Variants in COPS5 observed in about 807,000 individuals in gnomAD.
COPS5 encodes COP9 signalosome subunit 5, also known as COP9 signalosome complex subunit 5.
Under a neutral mutation model 44.4 loss-of-function variants are expected in COPS5, and 8 were observed. That is an observed-to-expected ratio of 0.18 (90% confidence interval 0.11 to 0.32). The LOEUF (loss-of-function observed/expected upper bound fraction) is 0.32. Ranked by LOEUF, COPS5 falls within the 10% of genes least tolerant of loss-of-function variation. The probability of loss-of-function intolerance (pLI) is 1.00; values close to 1 mark genes in which losing one functional copy is unlikely to be tolerated. For synonymous variants in COPS5, 122 were observed against 142.8 expected (o/e 0.85, Z 1.04); for missense variants, 159 against 406.4 (o/e 0.39, Z 5.23).
At chr8:67,061,315 G>A (rs1804615099) in intron 1 of COPS5, 1 of 417,966 alleles carries the variant, frequency 2.4e-6, no homozygotes, top group Non-Finnish European at 4.6e-6. Flanking sequence ...ACTATTATAG[G>A]CCCAGGCCTC....
chr8:67,060,632 T>G, intron 1 of COPS5: 2 of 482,362 alleles, frequency 4.1e-6, no homozygotes, highest in Non-Finnish European at 3.5e-6. Flanking sequence ...ACCTAATCTC[T>G]ATGACAATAC....
In COPS5 at chr8:67,043,234, T is replaced by C. The variant is rs1356804368; in HGVS notation, c.1004A>G (p.Ter335=). The change falls in exon 8 of 8, where the codon TAA becomes TGA. Residue 335 remains the stop codon, a stop_retained_variant. Coordinates refer to ENST00000357849, the MANE Select transcript of COPS5 (RefSeq NM_006837.3). ...DKLFNQINIS[*] is the part of the protein sequence containing the mutation. ...GGTAAAGTACTTCTCAGAGACTGTT[T>C]AAGAGATGTTAATTTGATTAAACAG... The C allele has an allele frequency of 4.6e-6, 7 of 1,519,122 alleles. No homozygotes were observed. Among genetic ancestry groups the C allele is most frequent in the East Asian group, 4.5e-5 (2 of 44,186 alleles). 94.1% of individuals were successfully genotyped at this position (1,519,122 alleles called of 1,614,324 possible).
At chr8:67,049,562 C>T (rs1804368622) in intron 6 of COPS5, among the ~76,000 whole-genome samples, 1 of 152,176 alleles carries the variant, frequency 6.6e-6, no homozygotes, top group Non-Finnish European at 1.5e-5. Flanking sequence ...CCTCCATATT[C>T]TGGGAGAATA....
At chr8:67,046,853 C>T (rs1172292369) in intron 6 of COPS5, among the ~76,000 whole-genome samples, 3 of 118,228 alleles carry the variant, frequency 2.5e-5, no homozygotes, top group South Asian at 5.7e-4. Context: ...AAAAAACAAA[C>T]ACTTTTCTGG....
chr8:67,055,344 A>C (rs1249194712), intron 5 of COPS5, among the ~76,000 whole-genome samples: 1 of 152,222 alleles, frequency 6.6e-6, no homozygotes, highest in Admixed American at 6.5e-5. Flanking sequence ...ACATCTTAAC[A>C]GAATCAGTCT....
At chr8:67,047,213 C>T (rs1407753974) in intron 6 of COPS5, among the ~76,000 whole-genome samples, 4 of 152,184 alleles carry the variant, frequency 2.6e-5, no homozygotes, top group African/African-American at 9.7e-5. Context: ...CAAGGAAAGA[C>T]AGTCAGTCAC....
chr8:67,062,085 AC>A lies in COPS5; in HGVS notation c.-90del. The A allele has an allele frequency of 6.3e-7, 1 of 1,593,160 alleles. No homozygotes were observed. The highest frequency in any genetic ancestry group is 8.5e-7 in the Non-Finnish European group (1 of 1,171,846). On this transcript the variant is annotated 5_prime_UTR_variant, in exon 1 of 8. Transcript: ENST00000357849. ...CCGGGTGTGGGCCTTGACCCTCCGCACCACGGGAACAAACTCTTACCTAGAC... is the reference window on the plus strand; with the variant it reads ...CCGGGTGTGGGCCTTGACCCTCCGCACACGGGAACAAACTCTTACCTAGAC...
chr8:67,056,174 A>T (rs948271182), intron 5 of COPS5, among the ~76,000 whole-genome samples: 3 of 152,194 alleles, frequency 2.0e-5, no homozygotes, highest in Non-Finnish European at 4.4e-5. Flanking sequence ...AAAAGAAAAA[A>T]ATTTAAAAAT....
chr8:67,061,124 T>C (rs1447949318), intron 1 of COPS5: 1 of 178,254 alleles, frequency 5.6e-6, no homozygotes, highest in African/African-American at 2.4e-5. Flanking sequence ...AGATAAATAT[T>C]ATGGGTAAAG....
At chr8:67,048,576 C>T (rs562773605) in intron 6 of COPS5, among the ~76,000 whole-genome samples, 145 of 151,814 alleles carry the variant, frequency 9.6e-4, no homozygotes, top group Non-Finnish European at 1.5e-3. Context: ...ATTAGCCGGG[C>T]GTGGTGGCAC....
chr8:67,046,075 A>G, intron 6 of COPS5, 115 bp from the exon 7 acceptor site: 1 of 1,079,358 alleles, frequency 9.3e-7, no homozygotes, highest in South Asian at 1.7e-5. Flanking sequence ...AAAGAATTCC[A>G]CTGTAAAATC....
chr8:67,045,510 C>T (rs72654931), intron 7 of COPS5: 1 of 312,452 alleles, frequency 3.2e-6, no homozygotes, highest in African/African-American at 2.1e-5. Flanking sequence ...CTTTAAAGAT[C>T]CACTTAAGGG....
At chr8:67,053,052 G>C (rs527452748) in intron 5 of COPS5, among the ~76,000 whole-genome samples, 2 of 152,120 alleles carry the variant, frequency 1.3e-5, no homozygotes, top group East Asian at 3.9e-4. Context: ...TCAGAGGTTA[G>C]TGGTGCGAAA....
intron 5 of COPS5, among the ~76,000 whole-genome samples, chr8:67,054,268 C>G (rs1406938687): frequency 6.6e-6 from 1 of 151,964 alleles, no homozygotes; most frequent in Non-Finnish European, 1.5e-5. Flanking sequence ...ATACGGAAAA[C>G]ATAAACTGTC....
At chr8:67,059,003 C>CA (rs1804549517) in intron 2 of COPS5, among the ~76,000 whole-genome samples, 1 of 142,024 alleles carries the variant, frequency 7.0e-6, no homozygotes, top group South Asian at 2.2e-4. Flanking sequence ...GTCCCTGTCT[C>CA]GAAAAAAAAA....
At chr8:67,059,029 A>C (rs1277696672) in intron 2 of COPS5, among the ~76,000 whole-genome samples, 182 bp downstream of exon 2, 2 of 151,850 alleles carry the variant, frequency 1.3e-5, no homozygotes, top group African/African-American at 2.4e-5. Flanking sequence ...ACAACAACAA[A>C]AAACAAAAAA....
In COPS5 at chr8:67,062,092, G is replaced by C. The variant is rs755277044; in HGVS notation, c.-96C>G. 3 of 1,586,522 alleles carry C rather than the reference G, an allele frequency of 1.9e-6. No homozygotes were observed. Among genetic ancestry groups the C allele is most frequent in the Non-Finnish European group, 2.6e-6 (3 of 1,169,100 alleles). On this transcript the variant is annotated 5_prime_UTR_variant, in exon 1 of 8. Coordinates refer to ENST00000357849, the MANE Select transcript of COPS5 (RefSeq NM_006837.3). ...TGGGCCTTGACCCTCCGCACCACGG[G>C]AACAAACTCTTACCTAGACTCTTGG...
In COPS5 at chr8:67,061,900, TGTC is replaced by T; in HGVS notation, c.94_96del (p.Asp32del). 2 of 1,614,224 alleles carry T rather than the reference TGTC, an allele frequency of 1.2e-6. No individual in the cohort carries two copies. The highest frequency in any genetic ancestry group is 1.1e-5 in the South Asian group (1 of 91,088). On this transcript the variant is annotated inframe_deletion, in exon 1 of 8. Coordinates refer to ENST00000357849, the MANE Select transcript of COPS5 (RefSeq NM_006837.3). ...GCCAGGATTTCTTGCTGCTGTTTCTTGTCGTATTTGTAGATTTCATCGATACTC... is the reference window on the plus strand; with the variant it reads ...GCCAGGATTTCTTGCTGCTGTTTCTTGTATTTGTAGATTTCATCGATACTC...
At chr8:67,060,904 G>C in intron 1 of COPS5, 1 of 169,108 alleles carries the variant, frequency 5.9e-6, no homozygotes, top group South Asian at 1.3e-4. Context: ...AGGTGCTTCC[G>C]CAGTTCACCA....
Sources: gnomAD v4.1 joint callset for allele counts (sites outside exome capture counted in the v4.1 genomes callset) on GRCh38, gnomAD v4.1.1 for gene constraint, MANE v1.5 for transcripts, NCBI Gene and HGNC (gene_info 2026-07-23, HGNC 2026-07-21) for gene names.